Variants in NLGN1 observed in about 807,000 individuals in gnomAD.
NLGN1 encodes the protein neuroligin 1.
Under a neutral mutation model 65.5 loss-of-function variants are expected in NLGN1, and 12 were observed. That is an observed-to-expected ratio of 0.18 (90% CI 0.12 to 0.30). The LOEUF (loss-of-function observed/expected upper bound fraction) is 0.30. NLGN1 is among the 10% of genes least tolerant of loss of function. The pLI is 1.00. For synonymous variants in NLGN1, 350 were observed against 359.5 expected (o/e 0.97, Z 0.30); for missense variants, 750 against 1,007.1 (o/e 0.74, Z 3.46).
chr3:173,720,379 A>AT (rs1229869397), intron 3 of NLGN1, among the ~76,000 whole-genome samples: 2 of 152,164 alleles, frequency 1.3e-5, no homozygotes, highest in Non-Finnish European at 2.9e-5. Context: ...AAGGTCAGTT[A>AT]TTTTTTGTCC....
intron 2 of NLGN1, among the ~76,000 whole-genome samples, chr3:173,571,665 C>T (rs544572723): frequency 5.9e-5 from 9 of 152,174 alleles, no homozygotes; most frequent in Non-Finnish European, 1.3e-4. Context: ...ATTCACTGTG[C>T]TTAAGAGCAT....
chr3:173,648,805 C>T (rs141419023), intron 3 of NLGN1, among the ~76,000 whole-genome samples: 2,157 of 152,148 alleles, frequency 0.014, 22 homozygotes, highest in Non-Finnish European at 0.021. Context: ...AAATTCCTGA[C>T]CTCAGGTGAT....
chr3:173,660,531 G>C (rs1760782299), intron 3 of NLGN1, among the ~76,000 whole-genome samples: 1 of 151,642 alleles, frequency 6.6e-6, no homozygotes, highest in Non-Finnish European at 1.5e-5. Context: ...AAATTGCTTG[G>C]ATGGCTGAAG....
At chr3:173,487,178 T>C (rs73038179) in intron 2 of NLGN1, among the ~76,000 whole-genome samples, 27,541 of 152,028 alleles carry the variant, frequency 0.18, 2,668 homozygotes, top group Middle Eastern at 0.27. Flanking sequence ...TAAGTACTGC[T>C]GTAGATATAT....
chr3:174,084,271 T>C (rs1742834004), intron 4 of NLGN1, among the ~76,000 whole-genome samples: 1 of 152,150 alleles, frequency 6.6e-6, no homozygotes, highest in Non-Finnish European at 1.5e-5. Flanking sequence ...GTTCAGAATA[T>C]TTAAAAAATA....
At chr3:174,158,190 C>A (rs771010681) in intron 4 of NLGN1, among the ~76,000 whole-genome samples, 2 of 151,720 alleles carry the variant, frequency 1.3e-5, no homozygotes. Flanking sequence ...AGTTTTTAGT[C>A]TCCTTTTATT....
intron 4 of NLGN1, among the ~76,000 whole-genome samples, chr3:173,910,039 A>G (rs1411897482): frequency 1.1e-4 from 17 of 151,440 alleles, no homozygotes; most frequent in Admixed American, 1.1e-3. Context: ...TGCTAACCCA[A>G]GAGTCTCTAA....
chr3:173,519,461 C>T (rs766573106), intron 2 of NLGN1, among the ~76,000 whole-genome samples: 1 of 152,244 alleles, frequency 6.6e-6, no homozygotes, highest in Non-Finnish European at 1.5e-5. Context: ...GGGGACTGAA[C>T]CCTGGAAAGC....
intron 4 of NLGN1, among the ~76,000 whole-genome samples, chr3:174,240,846 G>A (rs1358743509): frequency 6.6e-6 from 1 of 152,166 alleles, no homozygotes; most frequent in Non-Finnish European, 1.5e-5. Flanking sequence ...CAGGAATCCA[G>A]GTGGACTGCT....
At chr3:173,689,921 T>C (rs1765219414) in intron 3 of NLGN1, among the ~76,000 whole-genome samples, 1 of 151,058 alleles carries the variant, frequency 6.6e-6, no homozygotes, top group African/African-American at 2.4e-5. Context: ...GGAATGGGGG[T>C]CAGATAAATA....
intron 3 of NLGN1, among the ~76,000 whole-genome samples, chr3:173,728,905 A>G (rs1772313262): frequency 6.6e-6 from 1 of 152,038 alleles, no homozygotes; most frequent in African/African-American, 2.4e-5. Context: ...TCTCATTTTA[A>G]GCCACCGAGT....
intron 2 of NLGN1, among the ~76,000 whole-genome samples, chr3:173,570,440 G>A (rs561999869): frequency 6.6e-6 from 1 of 152,294 alleles, no homozygotes; most frequent in South Asian, 2.1e-4. Context: ...TGTGATCTGG[G>A]AGACACTATA....
intron 4 of NLGN1, among the ~76,000 whole-genome samples, chr3:174,122,934 A>G (rs1160675379): frequency 2.6e-5 from 4 of 152,046 alleles, no homozygotes; most frequent in Admixed American, 6.6e-5. Context: ...AAATTAATAA[A>G]TAAAAATTTC....
intron 4 of NLGN1, among the ~76,000 whole-genome samples, chr3:174,006,544 C>G (rs1274189309): frequency 1.3e-5 from 2 of 152,128 alleles, no homozygotes; most frequent in Admixed American, 6.6e-5. Context: ...AATTCTCTGT[C>G]CCTCTCCTAC....
intron 3 of NLGN1, among the ~76,000 whole-genome samples, chr3:173,776,819 C>T (rs9830716): frequency 0.81 from 122,371 of 151,840 alleles, 50,148 homozygotes; most frequent in Non-Finnish European, 0.84. Flanking sequence ...AAAAAATAAT[C>T]CTTATTGTAA....
intron 4 of NLGN1, among the ~76,000 whole-genome samples, chr3:173,974,171 T>A (rs1007601139): frequency 4.0e-5 from 6 of 151,308 alleles, no homozygotes; most frequent in Non-Finnish European, 7.4e-5. Flanking sequence ...TAAGAAGGGC[T>A]GAAAGATGAA....
intron 4 of NLGN1, among the ~76,000 whole-genome samples, chr3:173,905,741 C>T (rs142702219): frequency 9.2e-5 from 14 of 152,292 alleles, no homozygotes; most frequent in African/African-American, 3.1e-4. Flanking sequence ...GCAGGTTTGC[C>T]TCTATAACTG....
At chr3:173,772,870 C>T (rs537012263) in intron 3 of NLGN1, among the ~76,000 whole-genome samples, 1 of 152,244 alleles carries the variant, frequency 6.6e-6, no homozygotes, top group Admixed American at 6.5e-5. Context: ...GCAGCTTCCT[C>T]TCCTTCAGCC....
intron 4 of NLGN1, among the ~76,000 whole-genome samples, chr3:173,970,703 A>G (rs908785500): frequency 6.6e-6 from 1 of 152,124 alleles, no homozygotes; most frequent in African/African-American, 2.4e-5. Context: ...TTGTCAACTA[A>G]GAGTTGTGTG....
Sources: gnomAD v4.1 joint callset for allele counts (sites outside exome capture counted in the v4.1 genomes callset) on GRCh38, gnomAD v4.1.1 for gene constraint, MANE v1.5 for transcripts, NCBI Gene and HGNC (gene_info 2026-07-23, HGNC 2026-07-21) for gene names.